The following MGMT variants were observed in gnomAD, a reference collection of about 807,000 sequenced individuals.
MGMT encodes the protein methylated-DNA--protein-cysteine methyltransferase.
Under a neutral mutation model 15.9 loss-of-function variants are expected in MGMT, and 14 were observed. The ratio of observed to expected loss-of-function variants is 0.88; its 90% CI spans 0.58 to 1.37. MGMT has a LOEUF of 1.37. Among genes scored for constraint, MGMT ranks in the 40% most tolerant of loss-of-function variants. The pLI is 0.00. For missense variants in MGMT, 282 were observed against 268.1 expected (o/e 1.05, Z -0.36); for synonymous variants, 130 against 118.2 (o/e 1.10, Z -0.65).
At chr10:129,588,300 C>T (rs1048152068) in intron 2 of MGMT, among the ~76,000 whole-genome samples, 6 of 152,262 alleles carry the variant, frequency 3.9e-5, no homozygotes, top group South Asian at 2.1e-4. Flanking sequence ...TGAGTCCACC[C>T]GTGCCTGGAC....
At position 129,532,108 on chromosome 10, in the gene MGMT, G is replaced by A. The variant is rs928676837; in HGVS notation, c.-12-4133G>A. ...TGTGATTGATTCAGTGTGTTCCCATGGCTTCAGGCCACCTTTGCTGGTCAG... is the reference window on the plus strand; with the variant it reads ...TGTGATTGATTCAGTGTGTTCCCATAGCTTCAGGCCACCTTTGCTGGTCAG... On this transcript the variant is annotated intron_variant, in intron 1 of 4. Transcript: ENST00000651593. This position sits in a 1 kb window ranked among gnomAD's most constrained non-coding sequence, Gnocchi z 5.3. Among the ~76,000 whole-genome samples, 1 of 152,208 alleles carries A rather than the reference G, an allele frequency of 6.6e-6. No individual in the cohort carries two copies. Among genetic ancestry groups the A allele is most frequent in the Non-Finnish European group, 1.5e-5 (1 of 68,040 alleles).
intron 2 of MGMT, among the ~76,000 whole-genome samples, chr10:129,549,933 T>A (rs1264391694): frequency 1.3e-5 from 2 of 152,164 alleles, no homozygotes; most frequent in African/African-American, 4.8e-5. Flanking sequence ...TACAGAGAAA[T>A]TGTCATCATA....
rs1845912247 is a variant in MGMT at position 129,529,925 on chromosome 10, G to A, written c.-12-6316G>A. Among the ~76,000 whole-genome samples, 11 of 151,968 alleles carry A rather than the reference G, an allele frequency of 7.2e-5. No homozygotes were observed. The South Asian group carries it at 2.3e-3, about 32-fold the overall frequency. On this transcript the variant is annotated intron_variant, in intron 1 of 4. Coordinates refer to ENST00000651593, the MANE Select transcript of MGMT (RefSeq NM_002412.5). Reference sequence around the variant, plus strand: ...TTTTTTCTTTCTTTTTGTGGGGACAGGGTCTTGCTCTGTTACCCAGGCTGG... The same window carrying A: ...TTTTTTCTTTCTTTTTGTGGGGACAAGGTCTTGCTCTGTTACCCAGGCTGG...
intron 3 of MGMT, among the ~76,000 whole-genome samples, chr10:129,732,745 CG>C (rs2133164066): frequency 7.4e-6 from 1 of 135,624 alleles, no homozygotes; most frequent in Non-Finnish European, 1.5e-5. Flanking sequence ...ATGTGATGTT[CG>C]CCTTCCTGTG....
At chr10:129,672,767 C>T (rs1177394913) in intron 2 of MGMT, among the ~76,000 whole-genome samples, 1 of 152,064 alleles carries the variant, frequency 6.6e-6, no homozygotes, top group African/African-American at 2.4e-5. Context: ...TTTTACATTC[C>T]AACACCTGGA....
At chr10:129,754,435 C>G (rs1226376280) in intron 3 of MGMT, among the ~76,000 whole-genome samples, 1 of 152,168 alleles carries the variant, frequency 6.6e-6, no homozygotes. Flanking sequence ...ACCATCTCCC[C>G]CTCACTGGTT....
chr10:129,675,730 T>A (rs1847778230), intron 2 of MGMT, among the ~76,000 whole-genome samples: 1 of 152,122 alleles, frequency 6.6e-6, no homozygotes, highest in Non-Finnish European at 1.5e-5. Flanking sequence ...GCTGCTGTGA[T>A]CTCCTTGGGT....
chr10:129,753,471 C>T (rs1317770830), intron 3 of MGMT, among the ~76,000 whole-genome samples: 1 of 152,026 alleles, frequency 6.6e-6, no homozygotes, highest in African/African-American at 2.4e-5. Context: ...GATCTGTTGA[C>T]CTTGTCTCAC....
chr10:129,674,131 A>T (rs1464945717), intron 2 of MGMT, among the ~76,000 whole-genome samples: 1 of 152,190 alleles, frequency 6.6e-6, no homozygotes, highest in African/African-American at 2.4e-5. Context: ...GAATTCTTTC[A>T]TGTCATCATA....
intron 1 of MGMT, among the ~76,000 whole-genome samples, chr10:129,491,613 T>C (rs1201336572): frequency 6.6e-6 from 1 of 152,164 alleles, no homozygotes; most frequent in Non-Finnish European, 1.5e-5. Flanking sequence ...ATCTCTATTC[T>C]TGTTTTCTTT....
At chr10:129,614,891 C>A (rs502076) in intron 2 of MGMT, among the ~76,000 whole-genome samples, 63,855 of 152,016 alleles carry the variant, frequency 0.42, 14,553 homozygotes, top group East Asian at 0.64. Flanking sequence ...GGGTGCCGAG[C>A]GCTCCCTCGT....
chr10:129,632,706 G>A (rs149225976), intron 2 of MGMT, among the ~76,000 whole-genome samples: 3,901 of 152,248 alleles, frequency 0.026, 80 homozygotes, highest in South Asian at 0.061. Context: ...GGAGTTTGGG[G>A]GAGAGAGGGA....
chr10:129,559,438 G>A (rs2119806099), intron 2 of MGMT, among the ~76,000 whole-genome samples: 1 of 152,232 alleles, frequency 6.6e-6, no homozygotes, highest in African/African-American at 2.4e-5. Flanking sequence ...AAAGAATTGA[G>A]TCCTTAAGTA....
chr10:129,573,734 A>G (rs940918971), intron 2 of MGMT, among the ~76,000 whole-genome samples: 2 of 152,232 alleles, frequency 1.3e-5, no homozygotes, highest in African/African-American at 4.8e-5. Flanking sequence ...TACAAGGACA[A>G]CAAAAAAGTG....
chr10:129,494,583 T>C (rs958452516), intron 1 of MGMT, among the ~76,000 whole-genome samples: 10 of 152,342 alleles, frequency 6.6e-5, no homozygotes, highest in African/African-American at 2.4e-4. Context: ...TGCTGCCCAA[T>C]GTGGTAGCCA....
At chr10:129,510,805 G>T (rs1341097366) in intron 1 of MGMT, among the ~76,000 whole-genome samples, 1 of 151,324 alleles carries the variant, frequency 6.6e-6, no homozygotes, top group Non-Finnish European at 1.5e-5. Context: ...TGCTTCCTGT[G>T]ATGGGAACCC....
intron 2 of MGMT, among the ~76,000 whole-genome samples, chr10:129,615,206 A>G (rs771803357): frequency 2.0e-5 from 3 of 152,170 alleles, no homozygotes; most frequent in African/African-American, 4.8e-5. Context: ...ATGTCTAGAA[A>G]TTAGGTTTGT....
intron 3 of MGMT, among the ~76,000 whole-genome samples, chr10:129,714,311 A>G (rs1848268402): frequency 6.6e-6 from 1 of 152,256 alleles, no homozygotes; most frequent in Non-Finnish European, 1.5e-5. Flanking sequence ...ATTGTGTCTT[A>G]GTTCATTGTT....
chr10:129,599,686 A>T (rs921439227), intron 2 of MGMT, among the ~76,000 whole-genome samples: 1 of 152,144 alleles, frequency 6.6e-6, no homozygotes, highest in Non-Finnish European at 1.5e-5. Context: ...TTCACACACG[A>T]TTCACTGAGG....
Sources: gnomAD v4.1 joint callset for allele counts (sites outside exome capture counted in the v4.1 genomes callset) on GRCh38, gnomAD v4.1.1 for gene constraint, Gnocchi (gnomAD v3.1) non-coding constraint, MANE v1.5 for transcripts, NCBI Gene and HGNC (gene_info 2026-07-23, HGNC 2026-07-21) for gene names.